MTHFD1: variants seen among roughly 807,000 people sequenced by gnomAD.
MTHFD1 encodes methylenetetrahydrofolate dehydrogenase, cyclohydrolase and formyltetrahydrofolate synthetase 1.
A neutral mutation model predicts 110.3 loss-of-function variants in MTHFD1; 44 were observed. That is an observed-to-expected ratio of 0.40 (90% confidence interval 0.31 to 0.51). The LOEUF is 0.51. Ranked by LOEUF, MTHFD1 falls within the 20% of genes least tolerant of loss-of-function variation. MTHFD1 has a pLI of 0.60. For missense variants in MTHFD1, 909 were observed against 1,173.1 expected (o/e 0.77, Z 3.29); for synonymous variants, 402 against 428.8 (o/e 0.94, Z 0.77).
chr14:64,441,945 T>C (rs1427158430), intron 19 of MTHFD1, 109 bp from the exon 20 acceptor site: 1 of 763,464 alleles, frequency 1.3e-6, no homozygotes, highest in African/African-American at 1.7e-5. Flanking sequence ...ATTTTCCCTC[T>C]GGGAAGTATT....
At chr14:64,427,229 C>T in intron 11 of MTHFD1, 108 bp from the exon 12 acceptor site, 1 of 1,335,834 alleles carries the variant, frequency 7.5e-7, no homozygotes. Context: ...CTTTGTCTTT[C>T]TTAATCTTTA....
At chr14:64,434,092 C>G (rs2140970089) in intron 15 of MTHFD1, among the ~76,000 whole-genome samples, 1 of 152,172 alleles carries the variant, frequency 6.6e-6, no homozygotes, top group African/African-American at 2.4e-5. Context: ...TTATTTAGGT[C>G]TAGGCTTAGG....
chr14:64,426,439 G>A (rs190093604), intron 11 of MTHFD1, among the ~76,000 whole-genome samples: 110 of 152,228 alleles, frequency 7.2e-4, no homozygotes, highest in African/African-American at 2.4e-3. Flanking sequence ...CTTAAAACCC[G>A]GTCTTAAGAT....
At chr14:64,396,626 C>G (rs1015731929) in intron 1 of MTHFD1, among the ~76,000 whole-genome samples, 1 of 150,236 alleles carries the variant, frequency 6.7e-6, no homozygotes, top group Non-Finnish European at 1.5e-5. Flanking sequence ...GTCAAACCCC[C>G]CAGCTCAGGT....
chr14:64,458,080 G>A (rs1486729658), intron 26 of MTHFD1, 134 bp from the exon 27 acceptor site: 3 of 765,304 alleles, frequency 3.9e-6, no homozygotes, highest in African/African-American at 3.4e-5. Context: ...TGTAGAGATG[G>A]GGGTCTCACT....
chr14:64,422,371 T>C (rs888218311), intron 8 of MTHFD1, among the ~76,000 whole-genome samples: 22 of 152,128 alleles, frequency 1.4e-4, no homozygotes, highest in African/African-American at 5.3e-4. Context: ...TTTAAATAGT[T>C]TGCATGGTCC....
intron 16 of MTHFD1, 62 bp from the exon 17 acceptor site, chr14:64,439,034 C>T (rs2078227801): frequency 8.4e-7 from 1 of 1,197,126 alleles, no homozygotes; most frequent in African/African-American, 1.5e-5. Context: ...AACTCTGCTG[C>T]TTCCTTTAAC....
At chr14:64,438,494 T>C (rs572941784) in intron 16 of MTHFD1, among the ~76,000 whole-genome samples, 52 of 152,346 alleles carry the variant, frequency 3.4e-4, no homozygotes, top group Middle Eastern at 3.4e-3. Flanking sequence ...ACTAAAATGT[T>C]AACAGTAGTT....
intron 21 of MTHFD1, among the ~76,000 whole-genome samples, chr14:64,444,340 C>A (rs2078272972): frequency 6.6e-6 from 1 of 151,786 alleles, no homozygotes; most frequent in Admixed American, 6.6e-5. Context: ...GCAGGCCCGA[C>A]CGCTTCCTCT....
Position 64,415,738 on chromosome 14 carries a change from A to G in MTHFD1, c.477A>G (p.Thr159=), listed in dbSNP as rs2078020917. 6.2e-7 allele frequency: 1 copy of G among 1,613,870 alleles called. No homozygotes were observed. The change falls in exon 6 of 28, where the codon ACA becomes ACG. Residue 159 remains threonine, a splice_region_variant and synonymous_variant. Transcript: ENST00000652337. ...PKGCLELIKE[T]GVPIAGRHAV... is the part of the protein sequence containing the mutation. ...GATGCTTGGAACTCATCAAAGAGACAGGTAAAAACAACAAACCAAACAACA... is the reference window on the plus strand; with the variant it reads ...GATGCTTGGAACTCATCAAAGAGACGGGTAAAAACAACAAACCAAACAACA...
At chr14:64,454,903 G>T in intron 26 of MTHFD1, 28 bp downstream of exon 26, 1 of 1,612,298 alleles carries the variant, frequency 6.2e-7, no homozygotes, top group Admixed American at 1.7e-5. Context: ...GGGAGTAGTG[G>T]GCGCATCTGC....
chr14:64,429,233 TGA>T (rs1450490280), intron 12 of MTHFD1, among the ~76,000 whole-genome samples: 1 of 125,578 alleles, frequency 8.0e-6, no homozygotes, highest in African/African-American at 3.4e-5. Context: ...CTCCAGCCTG[TGA>T]GACAGTATGA....
intron 3 of MTHFD1, among the ~76,000 whole-genome samples, chr14:64,412,224 A>C: frequency 6.6e-6 from 1 of 152,154 alleles, no homozygotes; most frequent in Non-Finnish European, 1.5e-5. Flanking sequence ...CCTTTGACTT[A>C]ATGAATTTGG....
intron 9 of MTHFD1, among the ~76,000 whole-genome samples, chr14:64,425,249 G>C (rs1489010584): frequency 7.8e-6 from 1 of 128,488 alleles, no homozygotes; most frequent in African/African-American, 2.9e-5. Context: ...TTTTGCTCTT[G>C]CTGCCCAGGC....
At position 64,449,595 on chromosome 14, in the gene MTHFD1, C is replaced by G. The variant is rs1158045122; in HGVS notation, c.2430C>G (p.Ser810Arg). Residue 810 changes from serine to arginine, a missense_variant, in exon 24 of 28, where the codon AGC becomes AGG. Ser to Arg is a moderately radical substitution (Grantham distance 110). Transcript: ENST00000652337. ...TCCAGAGAGCAGCACAAGCACCCAG[C>G]AGCTTCCAGCTCCTTTATGACCTCA... ...QAVQRAAQAP[S>R]SFQLLYDLKL... 2 of 1,614,168 alleles carry G rather than the reference C, an allele frequency of 1.2e-6. No individual in the cohort carries two copies. The highest frequency in any genetic ancestry group is 2.7e-5 in the African/African-American group (2 of 75,050).
At position 64,442,338 on chromosome 14, in the gene MTHFD1, G is replaced by A. The variant is rs1228197212; in HGVS notation, c.2072G>A (p.Cys691Tyr). Residue 691 changes from cysteine to tyrosine, a missense_variant, in exon 21 of 28, where the codon TGC (cysteine) becomes TAC (tyrosine). Coordinates refer to ENST00000652337, the MANE Select transcript of MTHFD1 (RefSeq NM_005956.4). ...FNIKCRYSGL[C>Y]PHVVVLVATV... is the part of the protein sequence containing the mutation. ...ATCAAATGCCGGTATTCCGGCCTCT[G>A]CCCCCACGTGGTGGTGCTTGTTGCC... 1.9e-6 allele frequency: 3 copies of A among 1,614,110 alleles called. No individual in the cohort carries two copies. In the African/African-American group the frequency reaches 4.0e-5, roughly 22 times the overall value.
intron 2 of MTHFD1, among the ~76,000 whole-genome samples, chr14:64,407,774 C>T (rs1337324027): frequency 2.0e-5 from 3 of 151,982 alleles, no homozygotes; most frequent in Non-Finnish European, 4.4e-5. Context: ...TCTTTAACTC[C>T]TGGGCTCAAG....
chr14:64,449,272 G>A, intron 23 of MTHFD1, 173 bp from the exon 24 acceptor site: 1 of 713,870 alleles, frequency 1.4e-6, no homozygotes, highest in South Asian at 1.6e-5. Context: ...TAGGTAACTG[G>A]CCAAAAGTCA....
chr14:64,418,090 T>C, intron 7 of MTHFD1, 66 bp downstream of exon 7: 1 of 1,584,218 alleles, frequency 6.3e-7, no homozygotes. Context: ...GAGGCTGCCA[T>C]GTCCTTTACA....
Sources: allele counts gnomAD v4.1 joint callset (sites outside exome capture counted in the v4.1 genomes callset), GRCh38; gene constraint gnomAD v4.1.1; transcripts MANE v1.5; gene names NCBI Gene and HGNC (gene_info 2026-07-23, HGNC 2026-07-21).